The following WDR27 variants were observed in gnomAD, a reference collection of about 807,000 sequenced individuals.
WDR27 encodes the protein WD repeat-containing protein 27.
In WDR27, 100 loss-of-function variants were observed where a neutral mutation model predicts 114.4. The ratio of observed to expected loss-of-function variants is 0.87; its 90% CI spans 0.74 to 1.03. The LOEUF (loss-of-function observed/expected upper bound fraction) is 1.03. WDR27 is among the 50% of genes least tolerant of loss of function. WDR27 has a pLI of 0.00. For synonymous variants in WDR27, 449 were observed against 423.1 expected, an observed-to-expected ratio of 1.06 and a Z score of -0.75; for missense variants, 1,129 against 1,092.9, an observed-to-expected ratio of 1.03 and a Z score of -0.47.
intron 25 of WDR27, among the ~76,000 whole-genome samples, chr6:169,494,442 G>A (rs1486861910): frequency 6.6e-6 from 1 of 152,150 alleles, no homozygotes; most frequent in Non-Finnish European, 1.5e-5. Context: ...GACTGGCAGT[G>A]CAATGGATTT....
intron 25 of WDR27, among the ~76,000 whole-genome samples, chr6:169,534,501 C>G (rs1795990000): frequency 6.6e-6 from 1 of 151,960 alleles, no homozygotes; most frequent in Non-Finnish European, 1.5e-5. Flanking sequence ...ACCAGTGAAG[C>G]CATCTTATCC....
chr6:169,549,953 G>A (rs1246007360), intron 25 of WDR27, among the ~76,000 whole-genome samples: 1 of 152,164 alleles, frequency 6.6e-6, no homozygotes, highest in African/African-American at 2.4e-5. Flanking sequence ...TGTCATGGTG[G>A]ATGATGCCAT....
In WDR27 at chr6:169,664,275, G is replaced by C. The variant is rs551066667; in HGVS notation, c.795C>G (p.Phe265Leu). ...GATAATGGTGTCCATCCATCAAACT[G>C]AAGATCCAAAGCTACAAAAGCAAAG... Reference protein sequence around the residue: ...TGCADGQLWIFSLMDGHHYRR... With the variant: ...TGCADGQLWILSLMDGHHYRR... Residue 265 changes from phenylalanine (F) to leucine (L), a missense_variant, in exon 8 of 26, where the codon TTC (phenylalanine) becomes TTG (leucine). Transcript: ENST00000448612. 1 of 1,613,814 alleles carries C rather than the reference G, an allele frequency of 6.2e-7. No individual in the cohort carries two copies. The highest frequency in any genetic ancestry group is 2.2e-5 in the East Asian group (1 of 44,892).
intron 17 of WDR27, among the ~76,000 whole-genome samples, chr6:169,639,896 A>G (rs1011843998): frequency 6.6e-6 from 1 of 152,116 alleles, no homozygotes; most frequent in African/African-American, 2.4e-5. Context: ...GAAAGCAAAG[A>G]CGACCAGGGA....
chr6:169,551,909 C>A (rs74351245), intron 25 of WDR27, among the ~76,000 whole-genome samples: 32 of 152,128 alleles, frequency 2.1e-4, no homozygotes, highest in African/African-American at 7.5e-4. Flanking sequence ...TGAATGCCTG[C>A]GTACTGATAA....
chr6:169,495,542 G>C (rs1790292815), intron 25 of WDR27, among the ~76,000 whole-genome samples: 1 of 148,386 alleles, frequency 6.7e-6, no homozygotes, highest in African/African-American at 2.5e-5. Flanking sequence ...ACCTGACAAA[G>C]CTTTAGCCAG....
the WDR27 span, among the ~76,000 whole-genome samples, chr6:169,451,604 G>A: frequency 3.3e-5 from 5 of 152,178 alleles, no homozygotes; most frequent in African/African-American, 9.7e-5. Context: ...AGAAACTCCC[G>A]AACATATTTC....
chr6:169,666,394 A>G (rs1827832182), intron 6 of WDR27: 1 of 985,458 alleles, frequency 1.0e-6, no homozygotes, highest in African/African-American at 1.7e-5. Flanking sequence ...ATATGCTTTA[A>G]GTGGCATTTT....
Position 169,638,531 on chromosome 6 carries a change from T to C in WDR27, c.1869+8A>G. 1 of 1,610,832 alleles carries C rather than the reference T, an allele frequency of 6.2e-7. No individual in the cohort carries two copies. The highest frequency in any genetic ancestry group is 1.1e-5 in the South Asian group (1 of 90,422). ...TGACTGCCCATGGCAGAGATGACTG[T>C]CCATTACCAGAAGCAGTGCGAGCTC... is the stretch of plus-strand genomic sequence containing the variant. On this transcript the variant is annotated splice_region_variant and intron_variant, in intron 18 of 25. Transcript: ENST00000448612.
intron 22 of WDR27, among the ~76,000 whole-genome samples, chr6:169,609,811 A>G (rs1384932563): frequency 6.6e-6 from 1 of 152,224 alleles, no homozygotes; most frequent in African/African-American, 2.4e-5. Context: ...TTGCATTGTC[A>G]GGCTGCAAAT....
the WDR27 span, among the ~76,000 whole-genome samples, chr6:169,428,438 G>A: frequency 6.6e-6 from 1 of 152,148 alleles, no homozygotes; most frequent in Non-Finnish European, 1.5e-5. Context: ...TTCATTATCT[G>A]TTCTTAAACA....
the WDR27 span, among the ~76,000 whole-genome samples, chr6:169,449,571 C>T: frequency 5.3e-5 from 8 of 152,186 alleles, no homozygotes; most frequent in African/African-American, 1.7e-4. Flanking sequence ...GTGTGGGCAC[C>T]GGGACTGCAG....
At chr6:169,547,956 G>T (rs1797664039) in intron 25 of WDR27, among the ~76,000 whole-genome samples, 1 of 151,154 alleles carries the variant, frequency 6.6e-6, no homozygotes, top group South Asian at 2.1e-4. Context: ...GATTTTAGCA[G>T]GATTGCAGAA....
intron 25 of WDR27, among the ~76,000 whole-genome samples, chr6:169,562,694 A>G (rs1275940171): frequency 2.0e-5 from 3 of 152,238 alleles, no homozygotes; most frequent in South Asian, 4.1e-4. Context: ...CATGGGCATC[A>G]CAGTGAGACC....
intron 23 of WDR27, among the ~76,000 whole-genome samples, chr6:169,594,542 A>T (rs944970993): frequency 1.3e-5 from 2 of 152,150 alleles, no homozygotes; most frequent in Non-Finnish European, 2.9e-5. Context: ...ATGTGTGGCT[A>T]CTTATTATTT....
At chr6:169,622,028 A>T (rs1813482390) in intron 21 of WDR27, among the ~76,000 whole-genome samples, 1 of 151,960 alleles carries the variant, frequency 6.6e-6, no homozygotes, top group Non-Finnish European at 1.5e-5. Context: ...ATTCAAAGTC[A>T]CCCCTCTGCT....
chr6:169,674,674 T>G (rs1441929685), intron 2 of WDR27, among the ~76,000 whole-genome samples: 1 of 152,154 alleles, frequency 6.6e-6, no homozygotes, highest in Admixed American at 6.5e-5. Flanking sequence ...GCTGAAAATT[T>G]TCCAAATTTT....
chr6:169,679,608 T>A (rs1399732834), intron 2 of WDR27, among the ~76,000 whole-genome samples: 1 of 152,168 alleles, frequency 6.6e-6, no homozygotes, highest in Non-Finnish European at 1.5e-5. Context: ...GTATGGCACC[T>A]CCTCCTGACC....
intron 25 of WDR27, among the ~76,000 whole-genome samples, chr6:169,469,866 C>T (rs892605383): frequency 1.3e-5 from 2 of 152,316 alleles, no homozygotes; most frequent in Non-Finnish European, 2.9e-5. Context: ...ATGAGTTACA[C>T]CCATAATCTC....
Sources: allele counts gnomAD v4.1 joint callset (sites outside exome capture counted in the v4.1 genomes callset), GRCh38; gene constraint gnomAD v4.1.1; transcripts MANE v1.5; gene names NCBI Gene and HGNC (gene_info 2026-07-23, HGNC 2026-07-21).